NRXN1: variants seen among roughly 807,000 people sequenced by gnomAD.
NRXN1 encodes neurexin-1.
Under a neutral mutation model 150.9 loss-of-function variants are expected in NRXN1, and 39 were observed. The ratio of observed to expected loss-of-function variants is 0.26; its 90% CI spans 0.20 to 0.34. The LOEUF is 0.34. NRXN1 is among the 10% of genes least tolerant of loss of function. NRXN1 has a pLI of 1.00. For missense variants in NRXN1, 1,815 were observed against 1,949.9 expected, an observed-to-expected ratio of 0.93 and a Z score of 1.30; for synonymous variants, 924 against 757.0, an observed-to-expected ratio of 1.22 and a Z score of -3.62.
intron 5 of NRXN1, among the ~76,000 whole-genome samples, chr2:50,704,883 AT>A (rs1462504539): frequency 6.6e-6 from 1 of 152,002 alleles, no homozygotes; most frequent in Non-Finnish European, 1.5e-5. Context: ...AAATTTCCTC[AT>A]ATTTTTCTCA....
chr2:50,147,698 A>T (rs1248944243), intron 18 of NRXN1, among the ~76,000 whole-genome samples: 1 of 151,802 alleles, frequency 6.6e-6, no homozygotes, highest in African/African-American at 2.4e-5. Flanking sequence ...TAAAATTAAG[A>T]AGATAAAAAC....
At chr2:50,504,037 A>C (rs987962932) in intron 13 of NRXN1, among the ~76,000 whole-genome samples, 1 of 151,990 alleles carries the variant, frequency 6.6e-6, no homozygotes, top group African/African-American at 2.4e-5. Flanking sequence ...TATTAATACA[A>C]AGCAGGAAGA....
intron 5 of NRXN1, among the ~76,000 whole-genome samples, chr2:50,864,132 G>C (rs1217170509): frequency 2.0e-5 from 3 of 152,008 alleles, no homozygotes; most frequent in South Asian, 4.1e-4. Context: ...AGTCCAGCTA[G>C]ACAAAGAAAG....
chr2:50,157,174 T>C (rs1476012609), intron 18 of NRXN1, among the ~76,000 whole-genome samples: 1 of 151,966 alleles, frequency 6.6e-6, no homozygotes, highest in African/African-American at 2.4e-5. Context: ...GTGAATAAGA[T>C]ATGGGCTCTG....
At position 50,949,167 on chromosome 2, in the gene NRXN1, T is replaced by C. The variant is rs190361882; in HGVS notation, c.773-23212A>G. Among the ~76,000 whole-genome samples, 4 of 152,184 alleles carry C rather than the reference T, an allele frequency of 2.6e-5. No individual in the cohort carries two copies. In the East Asian group the frequency reaches 7.7e-4, roughly 29 times the overall value. On this transcript the variant is annotated intron_variant, in intron 2 of 22. Transcript: ENST00000401669. ...ACTATTTTGTCCAATTCACTTAAATTATATACATAAATTTTATTACATATT... is the reference window on the plus strand; with the variant it reads ...ACTATTTTGTCCAATTCACTTAAATCATATACATAAATTTTATTACATATT...
At chr2:50,819,710 A>T (rs1378761664) in intron 5 of NRXN1, among the ~76,000 whole-genome samples, 1 of 152,070 alleles carries the variant, frequency 6.6e-6, no homozygotes, top group African/African-American at 2.4e-5. Flanking sequence ...CAATCAAAGG[A>T]AAGAAAAAAA....
At chr2:50,980,622 T>G (rs1220425913) in intron 2 of NRXN1, among the ~76,000 whole-genome samples, 1 of 152,056 alleles carries the variant, frequency 6.6e-6, no homozygotes, top group Non-Finnish European at 1.5e-5. Context: ...ATGAAGCAAA[T>G]TTAGAAAAGG....
intron 5 of NRXN1, among the ~76,000 whole-genome samples, chr2:50,747,922 G>A (rs1406941413): frequency 6.6e-5 from 10 of 152,066 alleles, no homozygotes; most frequent in Admixed American, 5.9e-4. Flanking sequence ...CCAAAAGTCT[G>A]TTTTCCATAT....
rs986423169 is a variant in NRXN1 at position 50,157,834 on chromosome 2, T to C, written c.3547-66340A>G. On this transcript the variant is annotated intron_variant, in intron 18 of 22. Transcript: ENST00000401669. ...ACACTCTATTGTCAAGTAAAGTGAA[T>C]GTGTTGCTTGGTAGGATGATCTTCT... 6.6e-5 allele frequency among the ~76,000 whole-genome samples: 10 copies of C among 152,068 alleles called. 1 individual carries two copies. The South Asian group carries it at 2.1e-3, about 32-fold the overall frequency.
chr2:50,457,781 G>C (rs899486748), intron 17 of NRXN1, among the ~76,000 whole-genome samples: 17 of 152,106 alleles, frequency 1.1e-4, no homozygotes, highest in Middle Eastern at 3.4e-3. Context: ...ATCACAATGA[G>C]ATAGCATCTC....
At chr2:50,913,776 C>T (rs1684847680) in intron 5 of NRXN1, among the ~76,000 whole-genome samples, 1 of 151,660 alleles carries the variant, frequency 6.6e-6, no homozygotes, top group Non-Finnish European at 1.5e-5. Flanking sequence ...AAAGGGAGAA[C>T]TGCAGTTTTG....
intron 17 of NRXN1, among the ~76,000 whole-genome samples, chr2:50,266,361 G>A (rs2068865892): frequency 6.7e-6 from 1 of 149,096 alleles, no homozygotes; most frequent in East Asian, 1.9e-4. Flanking sequence ...AATGGACAGT[G>A]TGAATTCAAC....
chr2:50,485,469 C>T (rs1429826393), intron 15 of NRXN1, among the ~76,000 whole-genome samples: 2 of 152,218 alleles, frequency 1.3e-5, no homozygotes. Context: ...TCCTGGAGTG[C>T]TTGCTTTGCG....
intron 17 of NRXN1, among the ~76,000 whole-genome samples, chr2:50,261,151 A>G (rs1325847170): frequency 6.6e-6 from 1 of 151,828 alleles, no homozygotes; most frequent in African/African-American, 2.4e-5. Flanking sequence ...TTGAGCATTT[A>G]CACTGTAGAA....
In NRXN1 at chr2:50,950,829, T is replaced by C. The variant is rs191565596; in HGVS notation, c.773-24874A>G. Among the ~76,000 whole-genome samples the C allele has an allele frequency of 2.6e-5, 4 of 152,336 alleles. No individual in the cohort carries two copies. The East Asian group carries it at 7.7e-4, about 29-fold the overall frequency. ...GTTTATTAACCACAGAAACAATAGC[T>C]TTAGTTCTAATTATCATCTCCATTT... is the stretch of plus-strand genomic sequence containing the variant. On this transcript the variant is annotated intron_variant, in intron 2 of 22. Transcript: ENST00000401669.
intron 8 of NRXN1, among the ~76,000 whole-genome samples, chr2:50,590,694 C>G (rs910596664): frequency 6.6e-6 from 1 of 152,146 alleles, no homozygotes; most frequent in Non-Finnish European, 1.5e-5. Flanking sequence ...AGCTCCCTTA[C>G]TTCTGCTATG....
chr2:50,203,770 G>T (rs533312340), intron 18 of NRXN1, among the ~76,000 whole-genome samples: 8 of 152,124 alleles, frequency 5.3e-5, no homozygotes, highest in Admixed American at 2.0e-4. Flanking sequence ...GCATTTCAAA[G>T]AAATAGCTAC....
At chr2:50,181,647 G>A (rs1330358658) in intron 18 of NRXN1, among the ~76,000 whole-genome samples, 1 of 151,944 alleles carries the variant, frequency 6.6e-6, no homozygotes, top group Admixed American at 6.6e-5. Flanking sequence ...TAATCGTTCT[G>A]ATACACAAAT....
chr2:50,149,549 GA>G (rs1248500202), intron 18 of NRXN1, among the ~76,000 whole-genome samples: 1 of 151,332 alleles, frequency 6.6e-6, no homozygotes. Flanking sequence ...AAAATAATTC[GA>G]ATTCATTCTA....
Sources: gnomAD v4.1 joint callset for allele counts (sites outside exome capture counted in the v4.1 genomes callset) on GRCh38, gnomAD v4.1.1 for gene constraint, MANE v1.5 for transcripts, NCBI Gene and HGNC (gene_info 2026-07-23, HGNC 2026-07-21) for gene names.